BICD1: variants seen among roughly 807,000 people sequenced by gnomAD.
The protein encoded by BICD1 is protein bicaudal D homolog 1.
BICD1 carries 35 observed loss-of-function variants against 92.5 expected under a neutral mutation model. That is an observed-to-expected ratio of 0.38 (90% CI 0.29 to 0.50). BICD1 has a LOEUF of 0.50. Among genes scored for constraint, BICD1 ranks in the 20% least tolerant of loss-of-function variants. The probability of loss-of-function intolerance (pLI) is 0.93; values close to 1 mark genes in which losing one functional copy is unlikely to be tolerated. For missense variants in BICD1, 950 were observed against 1,189.8 expected (o/e 0.80, Z 2.97); for synonymous variants, 429 against 465.1 (o/e 0.92, Z 1.00).
chr12:32,299,853 A>T (rs975963982), intron 3 of BICD1, among the ~76,000 whole-genome samples: 2 of 152,084 alleles, frequency 1.3e-5, no homozygotes, highest in African/African-American at 4.8e-5. Flanking sequence ...ATACTACTGA[A>T]TTTTAAACTC....
At chr12:32,356,235 T>A (rs578147502) in intron 8 of BICD1, among the ~76,000 whole-genome samples, 3 of 152,308 alleles carry the variant, frequency 2.0e-5, no homozygotes, top group East Asian at 3.9e-4. Flanking sequence ...AGTCACTTCT[T>A]CAGTGTCCCT....
intron 1 of BICD1, among the ~76,000 whole-genome samples, chr12:32,136,774 T>C (rs945892357): frequency 2.0e-5 from 3 of 152,038 alleles, no homozygotes; most frequent in East Asian, 1.9e-4. Context: ...GTTTCGAGAG[T>C]AGGGGGAGAG....
intron 8 of BICD1, among the ~76,000 whole-genome samples, chr12:32,344,823 T>A (rs1445129194): frequency 6.6e-6 from 1 of 152,200 alleles, no homozygotes; most frequent in Admixed American, 6.5e-5. Context: ...AACTGTCTTT[T>A]TCCACAGGAT....
chr12:32,276,197 C>T (rs1472910434), intron 2 of BICD1, among the ~76,000 whole-genome samples: 1 of 152,112 alleles, frequency 6.6e-6, no homozygotes, highest in Non-Finnish European at 1.5e-5. Flanking sequence ...GCCTGCTAGC[C>T]CATGCTCCAA....
At chr12:32,182,278 C>CTTTTTTTTTTTTTTTTTTTTTTTTTTTTT (rs759328721) in intron 1 of BICD1, among the ~76,000 whole-genome samples, 22 of 81,418 alleles carry the variant, frequency 2.7e-4, no homozygotes, top group Non-Finnish European at 4.5e-4. Context: ...TTCTTTCTTT[C>CTTTTTTTTTTTTTTTTTTTTTTTTTTTTT]TTTTTTTTTT....
chr12:32,220,200 A>G (rs1356588244), intron 2 of BICD1, among the ~76,000 whole-genome samples: 1 of 152,224 alleles, frequency 6.6e-6, no homozygotes, highest in African/African-American at 2.4e-5. Context: ...CTTCATGTAT[A>G]AAACACCAAA....
chr12:32,300,055 C>T (rs1161752647), intron 3 of BICD1, among the ~76,000 whole-genome samples: 1 of 152,002 alleles, frequency 6.6e-6, no homozygotes, highest in African/African-American at 2.4e-5. Context: ...TCCAATAGAA[C>T]TGTCTACACG....
chr12:32,270,119 T>TAAAAAA (rs34843444), intron 2 of BICD1, among the ~76,000 whole-genome samples: 88 of 128,920 alleles, frequency 6.8e-4, no homozygotes, highest in African/African-American at 2.4e-3. Flanking sequence ...AGACTCCCTC[T>TAAAAAA]AAAAAAAAAA....
chr12:32,345,138 A>G (rs889778519), intron 8 of BICD1, among the ~76,000 whole-genome samples: 3 of 152,022 alleles, frequency 2.0e-5, no homozygotes, highest in African/African-American at 7.2e-5. Flanking sequence ...AAATTTAAAA[A>G]TTAGCTGGAT....
chr12:32,292,242 G>A (rs1284674876), intron 2 of BICD1, among the ~76,000 whole-genome samples: 7 of 152,154 alleles, frequency 4.6e-5, no homozygotes, highest in South Asian at 2.1e-4. Flanking sequence ...GTTCCTTGGC[G>A]TGTAGATGGG....
At chr12:32,377,518 C>T (rs200645226) in intron 9 of BICD1, 22 bp from the exon 10 acceptor site, 198 of 1,599,356 alleles carry the variant, frequency 1.2e-4, no homozygotes, top group Middle Eastern at 5.0e-4. Context: ...TTCTTGCTGA[C>T]GTGCTTGTTT....
At chr12:32,154,033 C>T (rs973061897) in intron 1 of BICD1, among the ~76,000 whole-genome samples, 12 of 151,686 alleles carry the variant, frequency 7.9e-5, no homozygotes, top group African/African-American at 1.7e-4. Flanking sequence ...AAGTTGCAGA[C>T]GGGAAAGGGA....
At chr12:32,318,278 A>C (rs1440369559) in intron 4 of BICD1, among the ~76,000 whole-genome samples, 1 of 152,142 alleles carries the variant, frequency 6.6e-6, no homozygotes, top group African/African-American at 2.4e-5. Flanking sequence ...TGGGGATGGC[A>C]TTGAATCTAT....
At chr12:32,366,560 C>T (rs943460891) in intron 8 of BICD1, among the ~76,000 whole-genome samples, 3 of 152,142 alleles carry the variant, frequency 2.0e-5, no homozygotes, top group Non-Finnish European at 2.9e-5. Flanking sequence ...GCAGGAGAAT[C>T]GCCTGAACCC....
intron 3 of BICD1, 107 bp downstream of exon 3, chr12:32,294,253 C>A: frequency 8.8e-7 from 1 of 1,136,766 alleles, no homozygotes; most frequent in South Asian, 1.7e-5. Context: ...CTTTTATCTT[C>A]TCTCTATAAC....
intron 2 of BICD1, among the ~76,000 whole-genome samples, chr12:32,225,263 A>G (rs1299518627): frequency 2.0e-5 from 3 of 152,230 alleles, no homozygotes; most frequent in Non-Finnish European, 4.4e-5. Flanking sequence ...TTGGAGATTC[A>G]TATAAGTTGT....
At chr12:32,350,605 C>T (rs1938823581) in intron 8 of BICD1, among the ~76,000 whole-genome samples, 1 of 152,192 alleles carries the variant, frequency 6.6e-6, no homozygotes, top group Admixed American at 6.5e-5. Context: ...GTGCACCACA[C>T]TCGTTATAGA....
At chr12:32,257,211 C>CAAAAAAAAAAAAA (rs35294412) in intron 2 of BICD1, among the ~76,000 whole-genome samples, 1 of 78,250 alleles carries the variant, frequency 1.3e-5, no homozygotes, top group African/African-American at 5.3e-5. Context: ...GACTCTGTCT[C>CAAAAAAAAAAAAA]AAAAAAAAAA....
intron 2 of BICD1, among the ~76,000 whole-genome samples, chr12:32,244,193 G>A (rs1014837355): frequency 1.3e-5 from 2 of 151,998 alleles, no homozygotes; most frequent in South Asian, 4.1e-4. Flanking sequence ...AGTTTCTTTT[G>A]TATACAAGAT....
Sources: allele counts gnomAD v4.1 joint callset (sites outside exome capture counted in the v4.1 genomes callset), GRCh38; gene constraint gnomAD v4.1.1; transcripts MANE v1.5; gene names NCBI Gene and HGNC (gene_info 2026-07-23, HGNC 2026-07-21).